Variants in TPD52L2 observed in about 807,000 individuals in gnomAD.
TPD52L2 encodes the protein tumor protein D54.
A neutral mutation model predicts 24.7 loss-of-function variants in TPD52L2; 19 were observed. The observed-to-expected ratio is 0.77, with a 90% CI of 0.54 to 1.13. The LOEUF is 1.13. Ranked by LOEUF, TPD52L2 falls within the 50% of genes most tolerant of loss-of-function variation. The pLI is 0.00. For missense variants in TPD52L2, 236 were observed against 250.4 expected, an observed-to-expected ratio of 0.94 and a Z score of 0.39; for synonymous variants, 104 against 100.2, an observed-to-expected ratio of 1.04 and a Z score of -0.23.
chr20:63,873,865 C>T (rs1314682066), intron 3 of TPD52L2, 49 bp downstream of exon 3: 2 of 1,424,570 alleles, frequency 1.4e-6, no homozygotes. Context: ...AGAACGGGCA[C>T]CACACGTGCC....
At chr20:63,888,886 C>G in intron 5 of TPD52L2, 1 of 458,970 alleles carries the variant, frequency 2.2e-6, no homozygotes. Context: ...GTACGAGAGC[C>G]CGGGATGTCC....
chr20:63,865,455 C>G (rs781407942), intron 1 of TPD52L2, 71 bp downstream of exon 1: 71 of 1,484,890 alleles, frequency 4.8e-5, no homozygotes, highest in Non-Finnish European at 5.9e-5. Flanking sequence ...CTCCCGGGGT[C>G]GCGTCTGCGA....
At chr20:63,874,228 T>TTTG (rs892015673) in intron 3 of TPD52L2, among the ~76,000 whole-genome samples, 11 of 140,012 alleles carry the variant, frequency 7.9e-5, no homozygotes, top group Non-Finnish European at 1.1e-4. Context: ...ATTTTTTTTT[T>TTTG]TGTGTGTGTG....
At chr20:63,887,499 G>T (rs2053175536) in intron 5 of TPD52L2, 2 of 1,562,472 alleles carry the variant, frequency 1.3e-6, no homozygotes. Context: ...GCCAAGTTGG[G>T]GTTGTGTGTG....
chr20:63,874,697 A>G (rs868796871), intron 3 of TPD52L2, among the ~76,000 whole-genome samples: 36 of 152,150 alleles, frequency 2.4e-4, no homozygotes, highest in Non-Finnish European at 7.3e-5. Flanking sequence ...CTAAAAAGGC[A>G]GACACACTGG....
At position 63,873,813 on chromosome 20, in the gene TPD52L2, G is replaced by T. The variant is rs769696045; in HGVS notation, c.311G>T (p.Ser104Ile). ...AGCTGGCATGACGTGCAGGTCTCTAGCGCGTAGGTACCTGCCCCAGGCGCA... is the reference window on the plus strand; with the variant it reads ...AGCTGGCATGACGTGCAGGTCTCTATCGCGTAGGTACCTGCCCCAGGCGCA... ...SRSWHDVQVS[S>I]AYVKTSEKLG... Residue 104 changes from serine to isoleucine, a missense_variant, in exon 3 of 7, where the codon AGC becomes ATC. By Grantham distance (142) the Ser-to-Ile change is moderately radical (BLOSUM62 -2). Coordinates refer to ENST00000346249, the MANE Select transcript of TPD52L2 (RefSeq NM_003288.4). 2 of 1,545,014 alleles carry T rather than the reference G, an allele frequency of 1.3e-6. No individual in the cohort carries two copies. Among genetic ancestry groups the T allele is most frequent in the Non-Finnish European group, 1.7e-6 (2 of 1,150,500 alleles).
intron 4 of TPD52L2, among the ~76,000 whole-genome samples, chr20:63,876,144 A>G (rs964657669): frequency 3.3e-5 from 5 of 152,308 alleles, no homozygotes; most frequent in Admixed American, 3.3e-4. Flanking sequence ...AGAGGCCTGC[A>G]CTGGTCCTGG....
chr20:63,867,914 C>T (rs974342821), intron 1 of TPD52L2, among the ~76,000 whole-genome samples: 2 of 148,890 alleles, frequency 1.3e-5, no homozygotes, highest in African/African-American at 2.5e-5. Context: ...CTGGGATTAC[C>T]GGCATGAGCC....
intron 2 of TPD52L2, 102 bp downstream of exon 2, chr20:63,869,543 G>T: frequency 6.8e-7 from 1 of 1,474,184 alleles, no homozygotes; most frequent in Non-Finnish European, 9.4e-7. Flanking sequence ...GAATTGCCCT[G>T]GGTGGTCACC....
rs1288795049 is a variant in TPD52L2, at chr20:63,889,830, T to C, written c.526-20T>C. ...TGCTCTGTCTCAGGTTTTTCTGTCT[T>C]CATCTTTTCTCTCCTGTAGTCTAAG... On this transcript the variant is annotated intron_variant, in intron 6 of 6. Coordinates refer to ENST00000346249, the MANE Select transcript of TPD52L2 (RefSeq NM_003288.4). The C allele has an allele frequency of 6.2e-7, 1 of 1,610,224 alleles. No individual in the cohort carries two copies. Among genetic ancestry groups the C allele is most frequent in the East Asian group, 2.2e-5 (1 of 44,798 alleles).
At chr20:63,875,622 C>A (rs575695654) in intron 3 of TPD52L2, among the ~76,000 whole-genome samples, 194 bp from the exon 4 acceptor site, 3 of 152,328 alleles carry the variant, frequency 2.0e-5, no homozygotes, top group African/African-American at 7.2e-5. Context: ...TTCCGCTATA[C>A]CCACAGCTCA....
At chr20:63,886,031 A>G in intron 5 of TPD52L2, 2 of 1,613,882 alleles carry the variant, frequency 1.2e-6, no homozygotes, top group Non-Finnish European at 1.7e-6. Context: ...ATCCATTTTC[A>G]CACTCCTTTA....
rs113714028 is a variant in TPD52L2 at position 63,881,565 on chromosome 20, C to T, written c.375-1154C>T. Among the ~76,000 whole-genome samples the T allele has an allele frequency of 2.0e-3, 297 of 152,210 alleles. 1 individual carries two copies. Among genetic ancestry groups the T allele is most frequent in the African/African-American group, 6.8e-3 (282 of 41,536 alleles). On this transcript the variant is annotated intron_variant, in intron 4 of 6. Coordinates refer to ENST00000346249, the MANE Select transcript of TPD52L2 (RefSeq NM_003288.4). ...TGGGAGGGCCTGTGAGTAAGGGCTC[C>T]GGAAGGCCCATCATTGGGACCTGGT...
chr20:63,876,598 C>T (rs1402032027), intron 4 of TPD52L2: 1 of 362,256 alleles, frequency 2.8e-6, no homozygotes, highest in Non-Finnish European at 5.5e-6. Flanking sequence ...GGGATTTTTT[C>T]ATCTGTTATT....
At chr20:63,868,589 G>A (rs2052346824) in intron 1 of TPD52L2, among the ~76,000 whole-genome samples, 1 of 152,216 alleles carries the variant, frequency 6.6e-6, no homozygotes, top group Non-Finnish European at 1.5e-5. Flanking sequence ...TGTCAGATGT[G>A]TTGAGAGGAA....
chr20:63,881,928 C>A (rs1448347946), intron 4 of TPD52L2, among the ~76,000 whole-genome samples: 8 of 152,164 alleles, frequency 5.3e-5, no homozygotes, highest in East Asian at 1.9e-4. Flanking sequence ...TGCCTGCTGC[C>A]CTTTGCCTGT....
intron 5 of TPD52L2, chr20:63,887,603 G>T: frequency 6.2e-7 from 1 of 1,613,344 alleles, no homozygotes. Flanking sequence ...TGCCAGCCAT[G>T]AGGTAATGTA....
At chr20:63,883,840 GCCTC>G (rs1262803448) in intron 5 of TPD52L2, among the ~76,000 whole-genome samples, 121 of 136,398 alleles carry the variant, frequency 8.9e-4, no homozygotes, top group African/African-American at 3.4e-3. Context: ...CTGCCTGCCT[GCCTC>G]CCTGCCTGCC....
At chr20:63,887,583 T>C (rs2053180160) in intron 5 of TPD52L2, 1 of 1,613,458 alleles carries the variant, frequency 6.2e-7, no homozygotes, top group Non-Finnish European at 8.5e-7. Context: ...CATCCGCCAC[T>C]CAATAAGTAT....
Sources: allele counts gnomAD v4.1 joint callset (sites outside exome capture counted in the v4.1 genomes callset), GRCh38; gene constraint gnomAD v4.1.1; transcripts MANE v1.5; gene names NCBI Gene and HGNC (gene_info 2026-07-23, HGNC 2026-07-21).